NIBAN1: variants seen among roughly 807,000 people sequenced by gnomAD.
The protein encoded by NIBAN1 is protein Niban 1.
A neutral mutation model predicts 75.1 loss-of-function variants in NIBAN1; 81 were observed. That is an observed-to-expected ratio of 1.08 (90% CI 0.90 to 1.30). The LOEUF is 1.30. Among genes scored for constraint, NIBAN1 ranks in the 50% most tolerant of loss-of-function variants. The pLI is 0.00. For missense variants in NIBAN1, 1,133 were observed against 1,128.1 expected (o/e 1.00, Z -0.06); for synonymous variants, 436 against 424.8 (o/e 1.03, Z -0.32).
At chr1:184,864,565 G>C (rs1357944599) in intron 5 of NIBAN1, among the ~76,000 whole-genome samples, 1 of 151,852 alleles carries the variant, frequency 6.6e-6, no homozygotes, top group Non-Finnish European at 1.5e-5. Context: ...TGTTGTTTGG[G>C]TTCTTTTGTT....
intron 1 of NIBAN1, among the ~76,000 whole-genome samples, chr1:184,901,439 T>C (rs1297723053): frequency 6.6e-6 from 1 of 152,202 alleles, no homozygotes; most frequent in African/African-American, 2.4e-5. Context: ...TGCTATCAGC[T>C]TTTATGCAGT....
chr1:184,863,920 T>C (rs1301554372), intron 5 of NIBAN1, among the ~76,000 whole-genome samples: 1 of 152,244 alleles, frequency 6.6e-6, no homozygotes, highest in Non-Finnish European at 1.5e-5. Context: ...TCCTCCTTAG[T>C]ATTGTCATAG....
chr1:184,915,298 G>A (rs1171597638), intron 1 of NIBAN1, among the ~76,000 whole-genome samples: 1 of 152,166 alleles, frequency 6.6e-6, no homozygotes, highest in African/African-American at 2.4e-5. Flanking sequence ...CTTACGATGA[G>A]GCCAGTTTGT....
chr1:184,862,697 G>T (rs1655847598), intron 5 of NIBAN1, among the ~76,000 whole-genome samples: 2 of 152,140 alleles, frequency 1.3e-5, no homozygotes, highest in Admixed American at 1.3e-4. Flanking sequence ...TGTTTTTAAA[G>T]AATTCCATAT....
intron 8 of NIBAN1, among the ~76,000 whole-genome samples, chr1:184,821,234 C>T (rs2102219769): frequency 6.6e-6 from 1 of 152,194 alleles, no homozygotes; most frequent in African/African-American, 2.4e-5. Context: ...AACTAAAGCT[C>T]AGGGGCTTTA....
chr1:184,806,380 A>G (rs1471681386), intron 10 of NIBAN1, among the ~76,000 whole-genome samples: 1 of 152,152 alleles, frequency 6.6e-6, no homozygotes, highest in East Asian at 1.9e-4. Flanking sequence ...TTCTTCAACT[A>G]GTTTTTGGTG....
intron 4 of NIBAN1, chr1:184,887,813 A>T (rs16823651): frequency 0.1 from 15,890 of 152,224 alleles, 2,599 homozygotes; most frequent in African/African-American, 0.35. Context: ...CAAACAAGTG[A>T]ATTACTTTAA....
intron 1 of NIBAN1, among the ~76,000 whole-genome samples, chr1:184,951,775 C>T (rs1658364817): frequency 6.6e-6 from 1 of 152,096 alleles, no homozygotes; most frequent in African/African-American, 2.4e-5. Context: ...CTCCCCATGG[C>T]TTCTCTTCTT....
chr1:184,845,611 G>A (rs78226089), intron 5 of NIBAN1, among the ~76,000 whole-genome samples: 1 of 28,726 alleles, frequency 3.5e-5, no homozygotes, highest in Admixed American at 4.0e-4. Flanking sequence ...TTTAAAAAGG[G>A]AATGTGGAGC....
chr1:184,797,137 CTTTTTT>C (rs56272970), intron 13 of NIBAN1, among the ~76,000 whole-genome samples: 34 of 130,576 alleles, frequency 2.6e-4, no homozygotes, highest in South Asian at 1.5e-3. Flanking sequence ...CCTTCTCCAG[CTTTTTT>C]TTTTTTTTTT....
At chr1:184,935,040 G>C (rs1053217949) in intron 1 of NIBAN1, among the ~76,000 whole-genome samples, 8 of 152,124 alleles carry the variant, frequency 5.3e-5, no homozygotes, top group African/African-American at 1.9e-4. Context: ...ACTGCACTCC[G>C]GCTTGGGTAA....
At chr1:184,870,353 C>G (rs947241673) in intron 5 of NIBAN1, among the ~76,000 whole-genome samples, 1 of 152,122 alleles carries the variant, frequency 6.6e-6, no homozygotes, top group Non-Finnish European at 1.5e-5. Context: ...ACACATAACA[C>G]GTAGGATATA....
chr1:184,804,382 C>T (rs1557870218), intron 11 of NIBAN1, among the ~76,000 whole-genome samples: 1 of 152,114 alleles, frequency 6.6e-6, no homozygotes, highest in African/African-American at 2.4e-5. Context: ...TTCAAACAAC[C>T]AAAGGCTGCC....
chr1:184,905,272 T>C lies in NIBAN1; in HGVS notation c.56-5963A>G, dbSNP rs1425114579. Among the ~76,000 whole-genome samples the C allele has an allele frequency of 3.3e-5, 5 of 152,202 alleles. No homozygotes were observed. In the South Asian group the frequency reaches 1.0e-3, roughly 32 times the overall value. ...CAGATGTTAGAGGTGGGAACTGTAT[T>C]TCAGAACCAAATCTTGGCACTGATG... On this transcript the variant is annotated intron_variant, in intron 1 of 13. Transcript: ENST00000367511.
At chr1:184,918,068 A>C (rs1420789552) in intron 1 of NIBAN1, among the ~76,000 whole-genome samples, 2 of 152,108 alleles carry the variant, frequency 1.3e-5, no homozygotes, top group Non-Finnish European at 2.9e-5. Flanking sequence ...TCTCCTGCTG[A>C]ATAACTCCTT....
At chr1:184,934,497 C>A (rs1157723272) in intron 1 of NIBAN1, among the ~76,000 whole-genome samples, 1 of 152,194 alleles carries the variant, frequency 6.6e-6, no homozygotes, top group Non-Finnish European at 1.5e-5. Flanking sequence ...GGCTCAGGGG[C>A]TCACACCTGT....
chr1:184,950,848 G>C lies in NIBAN1; in HGVS notation c.55+23454C>G, dbSNP rs369074283. Among the ~76,000 whole-genome samples, 5 of 152,258 alleles carry C rather than the reference G, an allele frequency of 3.3e-5. No individual in the cohort carries two copies. In the East Asian group the frequency reaches 9.7e-4, roughly 29 times the overall value. On this transcript the variant is annotated intron_variant, in intron 1 of 13. Transcript: ENST00000367511. ...ACCGCTCCCTTGAATTACAGTATTT[G>C]GTGCTGAAAATTACTTGTAATCCTC...
chr1:184,917,410 C>T (rs1297869908), intron 1 of NIBAN1, among the ~76,000 whole-genome samples: 1 of 133,048 alleles, frequency 7.5e-6, no homozygotes, highest in African/African-American at 2.7e-5. Flanking sequence ...GACGGGGTTT[C>T]ACCATGTTAG....
chr1:184,868,020 T>C, intron 5 of NIBAN1: 4 of 985,472 alleles, frequency 4.1e-6, no homozygotes, highest in Non-Finnish European at 4.8e-6. Flanking sequence ...CTTTCTTAGC[T>C]GGTGATTGCA....
Sources: allele counts gnomAD v4.1 joint callset (sites outside exome capture counted in the v4.1 genomes callset), GRCh38; gene constraint gnomAD v4.1.1; transcripts MANE v1.5; gene names NCBI Gene and HGNC (gene_info 2026-07-23, HGNC 2026-07-21).